Variants in CUBN observed in about 807,000 individuals in gnomAD.
The protein encoded by CUBN is cubilin.
A neutral mutation model predicts 405.3 loss-of-function variants in CUBN; 282 were observed. That is an observed-to-expected ratio of 0.70 (90% CI 0.63 to 0.77). The LOEUF (loss-of-function observed/expected upper bound fraction) is 0.77. CUBN is among the 30% of genes least tolerant of loss of function. CUBN has a pLI of 0.00. For missense variants in CUBN, 4,514 were observed against 4,475.2 expected (o/e 1.01, Z -0.25); for synonymous variants, 1,684 against 1,617.0 (o/e 1.04, Z -0.99).
intron 44 of CUBN, 105 bp downstream of exon 44, chr10:16,919,858 T>C: frequency 8.2e-7 from 1 of 1,220,362 alleles, no homozygotes; most frequent in South Asian, 1.3e-5. Context: ...TTCCCCTAGA[T>C]TTCCTTGCAG....
chr10:16,878,704 TCCAGTCTCATC>T (rs1840584766), intron 56 of CUBN, among the ~76,000 whole-genome samples: 1 of 152,206 alleles, frequency 6.6e-6, no homozygotes. Context: ...TAACAATCAC[TCCAGTCTCATC>T]CTTCCTGTAT....
chr10:16,970,103 C>T (rs1361677831), intron 31 of CUBN, among the ~76,000 whole-genome samples: 1 of 152,118 alleles, frequency 6.6e-6, no homozygotes, highest in Non-Finnish European at 1.5e-5. Flanking sequence ...GGTACACGTC[C>T]AGAAACAAGC....
intron 28 of CUBN, among the ~76,000 whole-genome samples, chr10:17,011,510 A>T (rs540314575): frequency 7.6e-6 from 1 of 131,596 alleles, no homozygotes; most frequent in Non-Finnish European, 1.7e-5. Context: ...CAGCTCATAA[A>T]GGTAGTGTGA....
At chr10:16,847,043 T>C (rs991658220) in intron 60 of CUBN, among the ~76,000 whole-genome samples, 2 of 152,164 alleles carry the variant, frequency 1.3e-5, no homozygotes, top group African/African-American at 2.4e-5. Context: ...AAGCCTTTCC[T>C]AGCCAAAACA....
At chr10:17,004,897 G>T (rs894809428) in intron 28 of CUBN, among the ~76,000 whole-genome samples, 1 of 151,888 alleles carries the variant, frequency 6.6e-6, no homozygotes, top group African/African-American at 2.4e-5. Context: ...TGACCTCATG[G>T]TCCACCTGCC....
At chr10:16,842,432 A>G (rs908282524) in intron 60 of CUBN, among the ~76,000 whole-genome samples, 2 of 152,136 alleles carry the variant, frequency 1.3e-5, no homozygotes, top group African/African-American at 4.8e-5. Context: ...CCTCTGTCCC[A>G]CTAGCCCTCC....
chr10:16,898,390 T>C (rs928837608), intron 54 of CUBN, among the ~76,000 whole-genome samples: 13 of 152,072 alleles, frequency 8.5e-5, no homozygotes, highest in African/African-American at 2.4e-4. Flanking sequence ...CAGACATGAA[T>C]GGAGGGGCTA....
chr10:17,069,677 G>C (rs1270851919), intron 19 of CUBN, among the ~76,000 whole-genome samples: 1 of 152,108 alleles, frequency 6.6e-6, no homozygotes, highest in African/African-American at 2.4e-5. Flanking sequence ...CTGAGTAGCT[G>C]AGGCTACAGG....
At chr10:16,902,227 G>A (rs1181574242) in intron 51 of CUBN, among the ~76,000 whole-genome samples, 3 of 124,770 alleles carry the variant, frequency 2.4e-5, no homozygotes, top group African/African-American at 9.3e-5. Flanking sequence ...GTATATATAT[G>A]TATATATATA....
At chr10:17,047,651 T>C (rs758643712) in intron 22 of CUBN, 48 bp from the exon 23 acceptor site, 4 of 1,490,116 alleles carry the variant, frequency 2.7e-6, no homozygotes, top group African/African-American at 2.8e-5. Context: ...AATATTGATA[T>C]GTTTATAATA....
chr10:17,001,098 C>T (rs879221601), intron 28 of CUBN, among the ~76,000 whole-genome samples: 1 of 152,058 alleles, frequency 6.6e-6, no homozygotes, highest in Non-Finnish European at 1.5e-5. Flanking sequence ...TGTTACAGCT[C>T]TTAAAGGTGG....
At chr10:17,101,746 G>A (rs1836498195) in intron 13 of CUBN, among the ~76,000 whole-genome samples, 1 of 152,128 alleles carries the variant, frequency 6.6e-6, no homozygotes, top group Non-Finnish European at 1.5e-5. Flanking sequence ...AGAGTGACAG[G>A]CTGTGGAGGT....
intron 60 of CUBN, among the ~76,000 whole-genome samples, chr10:16,848,455 A>G (rs1839583276): frequency 6.6e-6 from 1 of 152,154 alleles, no homozygotes; most frequent in Non-Finnish European, 1.5e-5. Flanking sequence ...AGTACACATA[A>G]TTTCAATCCT....
At chr10:16,833,562 C>G (rs1466453722) in intron 64 of CUBN, among the ~76,000 whole-genome samples, 1 of 152,168 alleles carries the variant, frequency 6.6e-6, no homozygotes, top group African/African-American at 2.4e-5. Context: ...CCAGAACACC[C>G]TTCCTGGCCA....
chr10:16,949,434 G>T (rs998389268), intron 34 of CUBN, among the ~76,000 whole-genome samples: 6 of 108,788 alleles, frequency 5.5e-5, no homozygotes, highest in Non-Finnish European at 1.2e-4. Context: ...TAAATGGCCT[G>T]GTGTGTGTGT....
intron 51 of CUBN, among the ~76,000 whole-genome samples, chr10:16,901,918 T>TACAC (rs1554790402): frequency 0.019 from 2,097 of 109,732 alleles, 88 homozygotes; most frequent in African/African-American, 0.075. Context: ...TATATATATA[T>TACAC]ACACACACAC....
chr10:17,066,253 A>ATTTGTT (rs1188174190), intron 21 of CUBN, among the ~76,000 whole-genome samples: 164 of 152,322 alleles, frequency 1.1e-3, no homozygotes, highest in African/African-American at 3.8e-3. Flanking sequence ...GAACAAAAGC[A>ATTTGTT]GTTTAGCTCA....
chr10:16,986,022 ATG>A (rs1321732410), intron 29 of CUBN, among the ~76,000 whole-genome samples: 1 of 152,208 alleles, frequency 6.6e-6, no homozygotes, highest in African/African-American at 2.4e-5. Context: ...TCCTGTGTGT[ATG>A]TGTGGGGCTG....
intron 27 of CUBN, among the ~76,000 whole-genome samples, chr10:17,025,813 G>A (rs1834646987): frequency 6.6e-6 from 1 of 152,094 alleles, no homozygotes. Context: ...GGAGACTGAG[G>A]CATCCCGGAC....
Sources: allele counts gnomAD v4.1 joint callset (sites outside exome capture counted in the v4.1 genomes callset), GRCh38; gene constraint gnomAD v4.1.1; transcripts MANE v1.5; gene names NCBI Gene and HGNC (gene_info 2026-07-23, HGNC 2026-07-21).